SLC4A2: variants seen among roughly 807,000 people sequenced by gnomAD.
The protein encoded by SLC4A2 is solute carrier family 4 member 2.
In SLC4A2, 36 loss-of-function variants were observed where a neutral mutation model predicts 115.0. The observed-to-expected ratio is 0.31, with a 90% CI of 0.24 to 0.41. The LOEUF is 0.41. SLC4A2 is among the 10% of genes least tolerant of loss of function. The probability of loss-of-function intolerance (pLI) is 1.00; values close to 1 mark genes in which losing one functional copy is unlikely to be tolerated. For synonymous variants in SLC4A2, 708 were observed against 708.3 expected (o/e 1.00, Z 0.01); for missense variants, 1,252 against 1,705.6 (o/e 0.73, Z 4.68).
In SLC4A2 at chr7:151,070,573, T is replaced by A. The variant is rs1289412853; in HGVS notation, c.1564+2T>A. 1 of 1,612,084 alleles carries A rather than the reference T, an allele frequency of 6.2e-7. No individual in the cohort carries two copies. Among genetic ancestry groups the A allele is most frequent in the Admixed American group, 1.7e-5 (1 of 59,870 alleles). On this transcript the variant is annotated splice_donor_variant, in intron 11 of 22. Transcript: ENST00000413384. LOFTEE classifies it high-confidence loss of function. The stretch of plus-strand genomic sequence containing the variant: ...CCGAGGCCACGGTGGTCCTTGTGGG[T>A]ATGTGGGGCAGGTCACATGTAGGGG...
intron 7 of SLC4A2, among the ~76,000 whole-genome samples, chr7:151,067,544 C>A (rs888268654): frequency 8.5e-5 from 13 of 152,238 alleles, no homozygotes; most frequent in African/African-American, 3.1e-4. Flanking sequence ...AAAAGGCCTG[C>A]AAAACGCCAT....
chr7:151,068,795 C>T (rs1563351070), intron 8 of SLC4A2, among the ~76,000 whole-genome samples: 3 of 151,602 alleles, frequency 2.0e-5, no homozygotes, highest in African/African-American at 7.3e-5. Flanking sequence ...GTTGGGAATA[C>T]AGGCATGAGC....
intron 2 of SLC4A2, among the ~76,000 whole-genome samples, chr7:151,062,341 A>T (rs1010805123): frequency 6.6e-6 from 1 of 152,054 alleles, no homozygotes; most frequent in Non-Finnish European, 1.5e-5. Flanking sequence ...CCCGTCTCAG[A>T]CCCGGCTGGC....
rs1797384276 is a variant in SLC4A2, at chr7:151,070,245, C to T, written c.1348C>T (p.Leu450=). 2 of 1,614,010 alleles carry T rather than the reference C, an allele frequency of 1.2e-6. No individual in the cohort carries two copies. Among genetic ancestry groups the T allele is most frequent in the African/African-American group, 2.7e-5 (2 of 74,948 alleles). Residue 450 remains leucine, a synonymous_variant, in exon 10 of 23, where the codon CTG becomes TTG. Transcript: ENST00000413384. ...RNISAGSLGS[L]LGHHHGQGAE... is the part of the protein sequence containing the mutation. ...CATCTCAGCTGGCTCCCTGGGCTCC[C>T]TGCTGGGGCATCACCATGGTCAGGG...
At chr7:151,063,487 G>A (rs1797126126) in intron 2 of SLC4A2, among the ~76,000 whole-genome samples, 1 of 152,096 alleles carries the variant, frequency 6.6e-6, no homozygotes, top group Non-Finnish European at 1.5e-5. Flanking sequence ...CTGGACACAC[G>A]GGATTTCTTC....
In SLC4A2 at chr7:151,076,153, C is replaced by G; in HGVS notation, c.3612C>G (p.Leu1204=). The G allele has an allele frequency of 1.2e-6, 2 of 1,610,722 alleles. No individual in the cohort carries two copies. The highest frequency in any genetic ancestry group is 1.7e-6 in the Non-Finnish European group (2 of 1,179,958). Residue 1204 remains leucine, a synonymous_variant, in exon 22 of 23, where the codon CTC becomes CTG. Coordinates refer to ENST00000413384, the MANE Select transcript of SLC4A2 (RefSeq NM_003040.4). ...CAGTGCCGCTCCGCATGGTGGTGCTCACCCGTATCTTCACCGACCGAGAGA... is the reference window on the plus strand; with the variant it reads ...CAGTGCCGCTCCGCATGGTGGTGCTGACCCGTATCTTCACCGACCGAGAGA... The part of the protein sequence containing the change: ...ILTVPLRMVV[L]TRIFTDREMK...
chr7:151,061,065 T>C (rs1318238360), intron 1 of SLC4A2, among the ~76,000 whole-genome samples: 2 of 151,758 alleles, frequency 1.3e-5, no homozygotes, highest in African/African-American at 4.8e-5. Context: ...CCAGACTCCC[T>C]ACAGTCACAG....
chr7:151,064,781 G>T lies in SLC4A2; in HGVS notation c.459+14G>T. On this transcript the variant is annotated intron_variant, in intron 4 of 22. Coordinates refer to ENST00000413384, the MANE Select transcript of SLC4A2 (RefSeq NM_003040.4). ...TCCTCGGTGCAGGTGCGCTGGGTGC[G>T]GGCTCCTAGGGCATGTCGGCAGGGC... is the stretch of plus-strand genomic sequence containing the variant. 1 of 1,607,134 alleles carries T rather than the reference G, an allele frequency of 6.2e-7. No homozygotes were observed. Among genetic ancestry groups the T allele is most frequent in the Non-Finnish European group, 8.5e-7 (1 of 1,174,944 alleles).
chr7:151,061,723 G>A (rs377608852), intron 1 of SLC4A2: 1 of 472,032 alleles, frequency 2.1e-6, no homozygotes, highest in East Asian at 3.1e-5. Flanking sequence ...GCCCTTTTCG[G>A]CCCCCCTCGC....
chr7:151,070,029 G>A lies in SLC4A2; in HGVS notation c.1230G>A (p.Gln410=). ...QVVEQMVISD[Q]IKAEDRANVL... ...TGGAGCAGATGGTCATCTCTGACCA[G>A]ATCAAGGCCGAGGACAGGGCCAACG... is the stretch of plus-strand genomic sequence containing the variant. Residue 410 remains glutamine (Q), a synonymous_variant, in exon 9 of 23, where the codon CAG becomes CAA. Transcript: ENST00000413384. 6.2e-7 allele frequency: 1 copy of A among 1,614,166 alleles called. No homozygotes were observed. Among genetic ancestry groups the A allele is most frequent in the Non-Finnish European group, 8.5e-7 (1 of 1,180,030 alleles).
Position 151,070,909 on chromosome 7 carries a change from A to G in SLC4A2, c.1747A>G (p.Lys583Glu), listed in dbSNP as rs1209405100. Residue 583 changes from lysine (K) to glutamate (E), a missense_variant and splice_region_variant, in exon 12 of 23, where the codon AAG becomes GAG. Around this residue, in one of 14 missense-constraint regions of SLC4A2, gnomAD observed 87 missense variants for 170.3 expected, o/e 0.51. Coordinates refer to ENST00000413384, the MANE Select transcript of SLC4A2 (RefSeq NM_003040.4). ...GRSISTLMSD[K>E]QFHEAAYLAD... The stretch of plus-strand genomic sequence containing the variant: ...CTCCATCTCCACCCTCATGTCAGAC[A>G]AGGTCAGCTACCCTCCTCCTCTGGG... 1.2e-6 allele frequency: 2 copies of G among 1,612,300 alleles called. No homozygotes were observed.
intron 16 of SLC4A2, among the ~76,000 whole-genome samples, chr7:151,072,658 CTTT>C (rs748262534): frequency 2.9e-5 from 4 of 137,510 alleles, no homozygotes; most frequent in Admixed American, 7.3e-5. Flanking sequence ...ACTTTTATTT[CTTT>C]TTTTTTTTTT....
intron 19 of SLC4A2, 143 bp downstream of exon 19, chr7:151,074,984 T>C (rs1372623401): frequency 5.3e-6 from 5 of 946,066 alleles, no homozygotes; most frequent in Non-Finnish European, 7.8e-6. Flanking sequence ...GTTTATTCTG[T>C]AGACAGCAGA....
intron 5 of SLC4A2, among the ~76,000 whole-genome samples, chr7:151,066,287 C>T (rs183968599): frequency 1.8e-3 from 269 of 152,340 alleles, no homozygotes; most frequent in Admixed American, 1.0e-2. Flanking sequence ...AGAGGGGCCT[C>T]GGGGTGACCG....
chr7:151,063,326 TGACTCG>T (rs1311722872), intron 2 of SLC4A2: 4 of 686,854 alleles, frequency 5.8e-6, no homozygotes, highest in South Asian at 2.3e-5. Context: ...TGGGTTTGTT[TGACTCG>T]GACAGGCTCT....
intron 20 of SLC4A2, 39 bp from the exon 21 acceptor site, chr7:151,075,567 G>A (rs1180080029): frequency 1.3e-6 from 2 of 1,586,214 alleles, no homozygotes; most frequent in Non-Finnish European, 8.5e-7. Flanking sequence ...TGGGGCCAGG[G>A]GACCCCGGGG....
chr7:151,073,252 C>CTTTAT (rs3062437), intron 16 of SLC4A2, among the ~76,000 whole-genome samples: 34,600 of 146,224 alleles, frequency 0.24, 4,639 homozygotes, highest in African/African-American at 0.37. Flanking sequence ...CCCAGTCCAT[C>CTTTAT]TTTATTTTAT....
chr7:151,075,715 G>C lies in SLC4A2; in HGVS notation c.3411G>C (p.Glu1137Asp), dbSNP rs566860823. Residue 1137 changes from glutamate to aspartate, a missense_variant, in exon 21 of 23, where the codon GAG (glutamate) becomes GAC (aspartate). By Grantham distance (45) the Glu-to-Asp change is conservative (BLOSUM62 2). This residue lies in a region of SLC4A2 where 253 missense variants were observed against 407.4 expected (regional missense o/e 0.62). Coordinates refer to ENST00000413384, the MANE Select transcript of SLC4A2 (RefSeq NM_003040.4). ...CCCTTAACGGGATCCAGTTCTATGAGCGGCTGCATCTGCTGCTCATGCCGC... is the reference window on the plus strand; with the variant it reads ...CCCTTAACGGGATCCAGTTCTATGACCGGCTGCATCTGCTGCTCATGCCGC... ...VTSLNGIQFY[E>D]RLHLLLMPPK... is the part of the protein sequence containing the mutation. 8.1e-6 allele frequency: 13 copies of C among 1,611,584 alleles called. No homozygotes were observed. In the South Asian group the frequency reaches 1.2e-4, roughly 15 times the overall value.
chr7:151,060,633 C>T lies in SLC4A2; in HGVS notation c.-64+871C>T, dbSNP rs1797013630. ...GGAGTGTGGAGGAGCGCGACGAGGG[C>T]ACAGCCTGAGGTGGGAGTGGGCGCC... On this transcript the variant is annotated intron_variant, in intron 1 of 22. Coordinates refer to ENST00000413384, the MANE Select transcript of SLC4A2 (RefSeq NM_003040.4). The surrounding 1 kb of genome is among the most constrained non-coding windows in gnomAD (Gnocchi z 5.9). Among the ~76,000 whole-genome samples the T allele has an allele frequency of 6.6e-6, 1 of 152,126 alleles. No individual in the cohort carries two copies. The highest frequency in any genetic ancestry group is 1.5e-5 in the Non-Finnish European group (1 of 68,008).
Sources: gnomAD v4.1 joint callset for allele counts (sites outside exome capture counted in the v4.1 genomes callset) on GRCh38, gnomAD v4.1.1 for gene constraint, gnomAD v4.1.1 regional missense constraint, Gnocchi (gnomAD v3.1) non-coding constraint, MANE v1.5 for transcripts, NCBI Gene and HGNC (gene_info 2026-07-23, HGNC 2026-07-21) for gene names.